Variants in FAM83G observed in about 807,000 individuals in gnomAD.
FAM83G encodes protein FAM83G.
A neutral mutation model predicts 61.5 loss-of-function variants in FAM83G; 38 were observed. That is an observed-to-expected ratio of 0.62 (90% confidence interval 0.48 to 0.81). FAM83G has a LOEUF of 0.81. Among genes scored for constraint, FAM83G ranks in the 30% least tolerant of loss-of-function variants. The probability of loss-of-function intolerance (pLI) is 0.00; values close to 1 mark genes in which losing one functional copy is unlikely to be tolerated. For synonymous variants in FAM83G, 470 were observed against 476.1 expected (o/e 0.99, Z 0.17); for missense variants, 989 against 1,133.6 (o/e 0.87, Z 1.83).
chr17:18,969,040 C>T lies in FAM83G; in HGVS notation c.*2319G>A. On this transcript the variant is annotated 3_prime_UTR_variant, in exon 6 of 6. Transcript: ENST00000388995. ...GAATAACAGTCCCACACAAGGCTCT[C>T]TCCCTCCGCAGCTGGACCTGTACGC... 6.2e-7 allele frequency: 1 copy of T among 1,609,494 alleles called. No individual in the cohort carries two copies. Among genetic ancestry groups the T allele is most frequent in the Non-Finnish European group, 8.5e-7 (1 of 1,177,802 alleles).
intron 2 of FAM83G, among the ~76,000 whole-genome samples, chr17:19,001,875 C>CA (rs1491211763): frequency 1.3e-5 from 2 of 152,292 alleles, no homozygotes; most frequent in East Asian, 3.9e-4. Context: ...GGAGGGGAGG[C>CA]ACAGAGGAGT....
chr17:18,982,877 C>T (rs563272205), intron 3 of FAM83G, among the ~76,000 whole-genome samples: 11 of 152,342 alleles, frequency 7.2e-5, no homozygotes, highest in East Asian at 3.9e-4. Flanking sequence ...TTTCTTTCCA[C>T]GCCTCAGTTT....
chr17:19,003,549 C>A lies in FAM83G; in HGVS notation c.493G>T (p.Val165Leu). Reference sequence around the variant, plus strand: ...TGTGCCTGGCTGATCATCTTCCGCACCACCTCTTTGATGTGGGCCTGCCCG... The same window carrying A: ...TGTGCCTGGCTGATCATCTTCCGCAACACCTCTTTGATGTGGGCCTGCCCG... Reference protein sequence around the residue: ...IDGQAHIKEVVRKMISQAQKV... With the variant: ...IDGQAHIKEVLRKMISQAQKV... Residue 165 changes from valine to leucine, a missense_variant, in exon 2 of 6, where the codon GTG becomes TTG. Physicochemically the swap from Val to Leu is conservative, Grantham distance 32. This residue lies in a region of FAM83G where 371 missense variants were observed against 404.5 expected (regional missense o/e 0.92). Transcript: ENST00000388995. The surrounding 1 kb of genome is among the most constrained non-coding windows in gnomAD (Gnocchi z 4.5). 6.4e-7 allele frequency: 1 copy of A among 1,554,666 alleles called. No individual in the cohort carries two copies. The highest frequency in any genetic ancestry group is 8.7e-7 in the Non-Finnish European group (1 of 1,150,166).
Position 19,003,605 on chromosome 17 carries a change from C to CGGGTCACGCCGCGGTAGGCGA in FAM83G, c.416_436dup (p.Thr145_Arg146insLeuAlaTyrArgGlyValThr). The CGGGTCACGCCGCGGTAGGCGA allele has an allele frequency of 6.2e-7, 1 of 1,611,166 alleles. No homozygotes were observed. The highest frequency in any genetic ancestry group is 8.5e-7 in the Non-Finnish European group (1 of 1,178,896). ...GGGGGGCTGCATGTAGACGCTAGCCCGGGTCACGCCGCGGTAGGCGATGGT... is the reference window on the plus strand; with the variant it reads ...GGGGGGCTGCATGTAGACGCTAGCCCGGGTCACGCCGCGGTAGGCGAGGGTCACGCCGCGGTAGGCGATGGT... On this transcript the variant is annotated inframe_insertion, in exon 2 of 6. Coordinates refer to ENST00000388995, the MANE Select transcript of FAM83G (RefSeq NM_001039999.3). The surrounding 1 kb of genome is among the most constrained non-coding windows in gnomAD (Gnocchi z 4.5).
chr17:18,988,249 T>C lies in FAM83G; in HGVS notation c.688A>G (p.Lys230Glu). The C allele has an allele frequency of 6.2e-7, 1 of 1,607,990 alleles. No individual in the cohort carries two copies. The highest frequency in any genetic ancestry group is 1.1e-5 in the South Asian group (1 of 91,016). Residue 230 changes from lysine (K) to glutamate (E), a missense_variant and splice_region_variant, in exon 3 of 6, where the codon AAG becomes GAG. Transcript: ENST00000388995. The part of the protein sequence containing the change: ...ERACMHLGHL[K>E]NLRVRSSGGT... ...AGGCAAGTGAGGAGCCTGCTCACCT[T>C]GAGGTGCCCCAGGTGCATGCAGGCC...
In FAM83G at chr17:19,003,773, G is replaced by A; in HGVS notation, c.269C>T (p.Pro90Leu). The change falls in exon 2 of 6, where the codon CCC (proline) becomes CTC (leucine). Residue 90 changes from proline to leucine, a missense_variant. Transcript: ENST00000388995. The surrounding 1 kb of genome is among the most constrained non-coding windows in gnomAD (Gnocchi z 4.5). ...GCCGTCGCCGACCCCATTGTCCTCG[G>A]GCCCCTGAGAGGGGCCCGTGCCCCG... ...DPRGTGPSQGPEDNGVGDGEE... is the reference protein window; with the variant it reads ...DPRGTGPSQGLEDNGVGDGEE... 6.2e-7 allele frequency: 1 copy of A among 1,609,956 alleles called. No individual in the cohort carries two copies.
chr17:18,969,417 T>C lies in FAM83G; in HGVS notation c.*1942A>G. 6.2e-7 allele frequency: 1 copy of C among 1,613,624 alleles called. No individual in the cohort carries two copies. Among genetic ancestry groups the C allele is most frequent in the Non-Finnish European group, 8.5e-7 (1 of 1,179,882 alleles). On this transcript the variant is annotated 3_prime_UTR_variant, in exon 6 of 6. Coordinates refer to ENST00000388995, the MANE Select transcript of FAM83G (RefSeq NM_001039999.3). ...GTGGTGGGGGCTGTCATCCTGACAA[T>C]CAAAGGTGAGGACAGAGTCTGTGGC...
intron 5 of FAM83G, among the ~76,000 whole-genome samples, chr17:18,973,237 T>C (rs975975408): frequency 2.0e-5 from 3 of 152,246 alleles, no homozygotes; most frequent in African/African-American, 7.2e-5. Context: ...CATGGCACGG[T>C]CTTCTCTGGG....
At chr17:18,995,576 G>T (rs1253777270) in intron 2 of FAM83G, among the ~76,000 whole-genome samples, 1 of 152,054 alleles carries the variant, frequency 6.6e-6, no homozygotes, top group African/African-American at 2.4e-5. Flanking sequence ...AAATAAATAA[G>T]AAAAAAATGG....
chr17:18,987,087 G>A (rs1193055898), intron 3 of FAM83G, among the ~76,000 whole-genome samples: 1 of 152,174 alleles, frequency 6.6e-6, no homozygotes, highest in Non-Finnish European at 1.5e-5. Flanking sequence ...GGGGGTGGGC[G>A]CGCCTGACAA....
At chr17:18,979,304 G>C in intron 4 of FAM83G, 1 of 554,178 alleles carries the variant, frequency 1.8e-6, no homozygotes. Flanking sequence ...GCGAAGGCAC[G>C]GCCTGGCCAC....
Position 18,969,073 on chromosome 17 carries a change from CTGTT to C in FAM83G, c.*2282_*2285del, listed in dbSNP as rs1781775923. 5 of 1,614,040 alleles carry C rather than the reference CTGTT, an allele frequency of 3.1e-6. No individual in the cohort carries two copies. Among genetic ancestry groups the C allele is most frequent in the Non-Finnish European group, 3.4e-6 (4 of 1,179,964 alleles). ...GCAGCTGGACCTGTACGCGGGGGCT[CTGTT>C]TGTGCACATCTGCCTGGGCTGGAAC... On this transcript the variant is annotated 3_prime_UTR_variant, in exon 6 of 6. Transcript: ENST00000388995.
At chr17:18,976,652 C>T in intron 5 of FAM83G, 1 of 630,750 alleles carries the variant, frequency 1.6e-6, no homozygotes, top group Non-Finnish European at 2.7e-6. Context: ...TACCTCGGCT[C>T]TCGCTGCTTG....
intron 5 of FAM83G, among the ~76,000 whole-genome samples, chr17:18,974,257 C>A (rs1370418469): frequency 6.6e-6 from 1 of 152,194 alleles, no homozygotes; most frequent in Non-Finnish European, 1.5e-5. Context: ...AACTCCTGAC[C>A]TCAAGTAATC....
At position 19,003,042 on chromosome 17, in the gene FAM83G, G is replaced by A. The variant is rs987879348; in HGVS notation, c.522+478C>T. On this transcript the variant is annotated intron_variant, in intron 2 of 5. Coordinates refer to ENST00000388995, the MANE Select transcript of FAM83G (RefSeq NM_001039999.3). This position sits in a 1 kb window ranked among gnomAD's most constrained non-coding sequence, Gnocchi z 4.5. ...GCTCAGCACAGCTAGGAAACAGGCAGTGTTGAACAAGGACCTCCAGGCCAG... is the reference window on the plus strand; with the variant it reads ...GCTCAGCACAGCTAGGAAACAGGCAATGTTGAACAAGGACCTCCAGGCCAG... 2.0e-5 allele frequency among the ~76,000 whole-genome samples: 3 copies of A among 152,128 alleles called. No homozygotes were observed. Among genetic ancestry groups the A allele is most frequent in the African/African-American group, 7.2e-5 (3 of 41,430 alleles).
chr17:18,976,227 A>AGTG (rs1346464899), intron 5 of FAM83G: 1 of 150,974 alleles, frequency 6.6e-6, no homozygotes, highest in Non-Finnish European at 1.5e-5. Context: ...TCGTAATATC[A>AGTG]GTGCTGGGAG....
chr17:18,997,679 T>C (rs767517683), intron 2 of FAM83G, among the ~76,000 whole-genome samples: 1 of 152,170 alleles, frequency 6.6e-6, no homozygotes, highest in Non-Finnish European at 1.5e-5. Flanking sequence ...GGCCACCTGG[T>C]GCCCACATGC....
At chr17:19,001,592 A>G (rs976766303) in intron 2 of FAM83G, among the ~76,000 whole-genome samples, 2 of 152,176 alleles carry the variant, frequency 1.3e-5, no homozygotes, top group African/African-American at 4.8e-5. Context: ...GACAGCAATC[A>G]CCTTGTGGGA....
intron 2 of FAM83G, among the ~76,000 whole-genome samples, chr17:18,989,712 C>T (rs571278155): frequency 1.7e-4 from 26 of 152,364 alleles, no homozygotes; most frequent in Middle Eastern, 3.4e-3. Context: ...TCACCCCGCA[C>T]GTTCCCATTT....
Sources: gnomAD v4.1 joint callset for allele counts (sites outside exome capture counted in the v4.1 genomes callset) on GRCh38, gnomAD v4.1.1 for gene constraint, gnomAD v4.1.1 regional missense constraint, Gnocchi (gnomAD v3.1) non-coding constraint, MANE v1.5 for transcripts, NCBI Gene and HGNC (gene_info 2026-07-23, HGNC 2026-07-21) for gene names.